The following MYH11 variants were observed in gnomAD, a reference collection of about 807,000 sequenced individuals.
MYH11 encodes myosin-11.
A neutral mutation model predicts 246.6 loss-of-function variants in MYH11; 80 were observed. The observed-to-expected ratio is 0.32, with a 90% CI of 0.27 to 0.39. The LOEUF (loss-of-function observed/expected upper bound fraction) is 0.39. Among genes scored for constraint, MYH11 ranks in the 10% least tolerant of loss-of-function variants. The pLI is 1.00. For missense variants in MYH11, 2,158 were observed against 2,546.8 expected, an observed-to-expected ratio of 0.85 and a Z score of 3.29; for synonymous variants, 1,071 against 1,015.5, an observed-to-expected ratio of 1.05 and a Z score of -1.04.
intron 4 of MYH11, among the ~76,000 whole-genome samples, chr16:15,788,793 A>AAT (rs373809301): frequency 8.2e-6 from 1 of 121,686 alleles, no homozygotes; most frequent in Non-Finnish European, 1.7e-5. Context: ...CTAAGACCAG[A>AAT]ATATATGTGT....
chr16:15,848,844 A>T (rs2044263658), intron 1 of MYH11, among the ~76,000 whole-genome samples: 1 of 152,200 alleles, frequency 6.6e-6, no homozygotes. Flanking sequence ...GCAGAAGATC[A>T]GACGGGGGCA....
chr16:15,798,631 AAAAC>A (rs778152441), intron 4 of MYH11, 25 bp downstream of exon 4: 2 of 1,576,126 alleles, frequency 1.3e-6, no homozygotes, highest in African/African-American at 1.4e-5. Flanking sequence ...AAACAAAAAA[AAAAC>A]AGAAGAAAAA....
At position 15,832,647 on chromosome 16, in the gene MYH11, A is replaced by G. The variant is rs114201076; in HGVS notation, c.345+5261T>C. Among the ~76,000 whole-genome samples, 517 of 152,304 alleles carry G rather than the reference A, an allele frequency of 3.4e-3. 5 individuals carry two copies. Among genetic ancestry groups the G allele is most frequent in the African/African-American group, 0.012 (489 of 41,554 alleles). ...CACTCCTCTGTGTTAGCAGGTTGTA[A>G]TCATTAGTCTAGCACCTAGTTAGGT... On this transcript the variant is annotated intron_variant, in intron 2 of 40. Coordinates refer to ENST00000300036, the MANE Select transcript of MYH11 (RefSeq NM_002474.3).
rs2042105924 is a variant in MYH11, at chr16:15,771,704, G to C, written c.898C>G (p.Leu300Val). 4 of 1,614,142 alleles carry C rather than the reference G, an allele frequency of 2.5e-6. No individual in the cohort carries two copies. The highest frequency in any genetic ancestry group is 2.5e-6 in the Non-Finnish European group (3 of 1,180,022). The change falls in exon 9 of 41, where the codon CTT (leucine) becomes GTT (valine). Residue 300 changes from leucine (L) to valine (V), a missense_variant. Coordinates refer to ENST00000300036, the MANE Select transcript of MYH11 (RefSeq NM_002474.3). ...GTGTAGTTGTTGAAGCCCTCCAAAA[G>C]CAAGTCACCTAGAAGGAGAGGAAGA... ...GAKEKMRSDL[L>V]LEGFNNYTFL...
chr16:15,856,592 T>A (rs1034355161), intron 1 of MYH11, among the ~76,000 whole-genome samples: 1 of 151,322 alleles, frequency 6.6e-6, no homozygotes, highest in African/African-American at 2.4e-5. Context: ...TGGATTAGCC[T>A]CTTAACAAGA....
At chr16:15,722,510 CCCACACTATGTGTG>C in intron 31 of MYH11, among the ~76,000 whole-genome samples, 1 of 152,164 alleles carries the variant, frequency 6.6e-6, no homozygotes, top group Non-Finnish European at 1.5e-5. Context: ...ACACAAAAAT[CCCACACTATGTGTG>C]CCACTGCACT....
intron 4 of MYH11, among the ~76,000 whole-genome samples, chr16:15,790,516 G>A (rs897602145): frequency 2.0e-5 from 3 of 152,130 alleles, no homozygotes; most frequent in Non-Finnish European, 4.4e-5. Flanking sequence ...TTCTGCCAAA[G>A]AAAACATCCC....
At chr16:15,716,353 C>T (rs138976927) in intron 38 of MYH11, among the ~76,000 whole-genome samples, 181 of 152,138 alleles carry the variant, frequency 1.2e-3, no homozygotes, top group African/African-American at 4.0e-3. Flanking sequence ...CATTGCAGGG[C>T]GTGCGAATTA....
At chr16:15,714,046 A>AC (rs2039975224) in intron 40 of MYH11, 1 of 152,350 alleles carries the variant, frequency 6.6e-6, no homozygotes, top group African/African-American at 2.4e-5. Flanking sequence ...CAGCAGGATC[A>AC]CCCAGAGGGT....
At chr16:15,715,126 G>C (rs746140803) in intron 39 of MYH11, 38 bp downstream of exon 39, 2 of 1,612,540 alleles carry the variant, frequency 1.2e-6, no homozygotes, top group East Asian at 2.2e-5. Context: ...GCCGGCTGGG[G>C]GCTGGGGGCT....
rs568702510 is a variant in MYH11, at chr16:15,704,133, G to T, written c.5787-10C>A. Reference sequence around the variant, plus strand: ...GGTCTCGTTTCCTCGCCTGTGGGTTGTAAGAAAACACATTATTTAGCAAAG... The same window carrying T: ...GGTCTCGTTTCCTCGCCTGTGGGTTTTAAGAAAACACATTATTTAGCAAAG... On this transcript the variant is annotated splice_polypyrimidine_tract_variant and intron_variant, in intron 40 of 40. Transcript: ENST00000300036. The T allele has an allele frequency of 6.2e-7, 1 of 1,613,752 alleles. No homozygotes were observed. The highest frequency in any genetic ancestry group is 1.1e-5 in the South Asian group (1 of 91,016).
At chr16:15,741,108 C>T in intron 22 of MYH11, 5 of 402,796 alleles carry the variant, frequency 1.2e-5, no homozygotes, top group South Asian at 1.1e-4. Flanking sequence ...CAGAACCACT[C>T]ACCTAAGCCA....
At chr16:15,716,726 C>G (rs950104238) in intron 38 of MYH11, among the ~76,000 whole-genome samples, 9 of 152,264 alleles carry the variant, frequency 5.9e-5, no homozygotes, top group Admixed American at 5.2e-4. Context: ...GTTGGCCAGG[C>G]CGGTCTCAAA....
In MYH11 at chr16:15,721,187, G is replaced by A. The variant is rs2040456195; in HGVS notation, c.4579-136C>T. On this transcript the variant is annotated intron_variant, in intron 32 of 40. Transcript: ENST00000300036. ...CACAGGATGCATGGCCGGGACTCAA[G>A]ATGACCCCTGAGAGTTCAGACCCCA... 3 of 1,037,736 alleles carry A rather than the reference G, an allele frequency of 2.9e-6. No individual in the cohort carries two copies. The African/African-American group carries it at 4.7e-5, about 16-fold the overall frequency. The allele number at this position is 1,037,736 out of a possible 1,614,324, so 64.3% of individuals were successfully genotyped here.
At chr16:15,778,897 C>T in intron 6 of MYH11, 54 bp from the exon 7 acceptor site, 2 of 1,566,734 alleles carry the variant, frequency 1.3e-6, no homozygotes, top group African/African-American at 1.4e-5. Flanking sequence ...AGCCGTTAAC[C>T]CCATGCTGTG....
intron 3 of MYH11, among the ~76,000 whole-genome samples, chr16:15,803,283 T>TC (rs2042931376): frequency 6.6e-6 from 1 of 151,130 alleles, no homozygotes; most frequent in Admixed American, 6.6e-5. Flanking sequence ...GTTTAATTTT[T>TC]TTTTTTTTTC....
At chr16:15,744,964 G>C (rs1229513561) in intron 20 of MYH11, among the ~76,000 whole-genome samples, 165 bp downstream of exon 20, 9 of 152,250 alleles carry the variant, frequency 5.9e-5, no homozygotes, top group Non-Finnish European at 2.9e-5. Flanking sequence ...ATGTGCCAAA[G>C]GACAGGGCCT....
intron 33 of MYH11, 55 bp from the exon 34 acceptor site, chr16:15,720,367 G>A (rs1233174579): frequency 1.8e-5 from 29 of 1,573,452 alleles, no homozygotes; most frequent in Non-Finnish European, 2.4e-5. Flanking sequence ...AGGTCCTTTG[G>A]CTCACCTAGG....
chr16:15,747,485 C>T, intron 19 of MYH11, 85 bp downstream of exon 19: 1 of 1,516,322 alleles, frequency 6.6e-7, no homozygotes, highest in South Asian at 1.1e-5. Context: ...AAACAGGTGG[C>T]CTCTTAGAAT....
Sources: gnomAD v4.1 joint callset for allele counts (sites outside exome capture counted in the v4.1 genomes callset) on GRCh38, gnomAD v4.1.1 for gene constraint, MANE v1.5 for transcripts, NCBI Gene and HGNC (gene_info 2026-07-23, HGNC 2026-07-21) for gene names.